Variants in SLC5A4 observed in about 807,000 individuals in gnomAD.
The protein encoded by SLC5A4 is probable glucose sensor protein SLC5A4.
In SLC5A4, 55 loss-of-function variants were observed where a neutral mutation model predicts 70.3. That is an observed-to-expected ratio of 0.78 (90% CI 0.63 to 0.98). The LOEUF (loss-of-function observed/expected upper bound fraction) is 0.98. Ranked by LOEUF, SLC5A4 falls within the 50% of genes least tolerant of loss-of-function variation. The pLI is 0.00. For synonymous variants in SLC5A4, 268 were observed against 305.7 expected (o/e 0.88, Z 1.29); for missense variants, 735 against 839.2 (o/e 0.88, Z 1.53).
intron 5 of SLC5A4, among the ~76,000 whole-genome samples, chr22:32,241,839 C>A (rs865871710): frequency 0.011 from 1,259 of 114,144 alleles, 19 homozygotes; most frequent in African/African-American, 0.038. Context: ...ATATATATAT[C>A]TGTGTGTGTG....
At chr22:32,287,331 A>G in the SLC5A4 span, among the ~76,000 whole-genome samples, 1 of 152,204 alleles carries the variant, frequency 6.6e-6, no homozygotes, top group Admixed American at 6.5e-5. Context: ...CAGGGAGAAC[A>G]AGGAACAAGG....
At chr22:32,346,753 A>G in the SLC5A4 span, among the ~76,000 whole-genome samples, 1 of 146,594 alleles carries the variant, frequency 6.8e-6, no homozygotes, top group Non-Finnish European at 1.5e-5. Flanking sequence ...TAAAAACCCT[A>G]GAAGAAAACC....
the SLC5A4 span, among the ~76,000 whole-genome samples, chr22:32,303,568 A>C: frequency 6.6e-6 from 1 of 151,324 alleles, no homozygotes; most frequent in Non-Finnish European, 1.5e-5. Context: ...GACAATCACA[A>C]TTTCAGATTG....
the SLC5A4 span, among the ~76,000 whole-genome samples, chr22:32,335,119 G>T: frequency 6.6e-6 from 1 of 152,192 alleles, no homozygotes; most frequent in South Asian, 2.1e-4. Context: ...GGTCGGGAAG[G>T]AGAGCCAGAC....
upstream of SLC5A4, among the ~76,000 whole-genome samples, chr22:32,255,533 C>T (rs889010023): frequency 6.6e-6 from 1 of 152,062 alleles, no homozygotes; most frequent in Non-Finnish European, 1.5e-5. Flanking sequence ...ATGAGGGATG[C>T]AGGGCCAGAA....
chr22:32,261,402 G>A, the SLC5A4 span, among the ~76,000 whole-genome samples: 4 of 152,310 alleles, frequency 2.6e-5, no homozygotes, highest in Admixed American at 6.5e-5. Context: ...GTCCACCTTC[G>A]TTGTTCCCAG....
At chr22:32,234,785 A>G (rs1925961348) in intron 8 of SLC5A4, 88 bp downstream of exon 8, 1 of 950,974 alleles carries the variant, frequency 1.1e-6, no homozygotes. Flanking sequence ...ATGTTTTTCT[A>G]TGAGACAAGA....
chr22:32,321,928 G>A, the SLC5A4 span, among the ~76,000 whole-genome samples: 1 of 152,218 alleles, frequency 6.6e-6, no homozygotes, highest in South Asian at 2.1e-4. Flanking sequence ...TGGGTCAAAG[G>A]TGAGAAATAC....
chr22:32,346,163 C>T, the SLC5A4 span, among the ~76,000 whole-genome samples: 3 of 152,144 alleles, frequency 2.0e-5, no homozygotes, highest in Non-Finnish European at 4.4e-5. Context: ...ATACTGAAGA[C>T]ACAGACCATA....
intron 13 of SLC5A4, among the ~76,000 whole-genome samples, chr22:32,221,350 C>T (rs1238054027): frequency 1.3e-5 from 2 of 152,202 alleles, no homozygotes; most frequent in Non-Finnish European, 2.9e-5. Flanking sequence ...TTGTCCTTAA[C>T]ATCCAACAGT....
the SLC5A4 span, among the ~76,000 whole-genome samples, chr22:32,307,919 T>C: frequency 8.6e-5 from 12 of 138,986 alleles, no homozygotes; most frequent in Admixed American, 3.1e-4. Flanking sequence ...TCCCTGCAGT[T>C]TGCAGGGATT....
At chr22:32,316,539 C>CT in the SLC5A4 span, among the ~76,000 whole-genome samples, 47 of 146,160 alleles carry the variant, frequency 3.2e-4, no homozygotes, top group African/African-American at 1.1e-3. Flanking sequence ...TTTTTTTTTA[C>CT]TTTTTTTAAA....
At chr22:32,233,388 TC>T (rs1289881710) in intron 8 of SLC5A4, among the ~76,000 whole-genome samples, 1 of 152,160 alleles carries the variant, frequency 6.6e-6, no homozygotes, top group Non-Finnish European at 1.5e-5. Flanking sequence ...TGTCACACAT[TC>T]TCACTCATTC....
chr22:32,316,208 T>A, the SLC5A4 span, among the ~76,000 whole-genome samples: 1 of 151,928 alleles, frequency 6.6e-6, no homozygotes, highest in African/African-American at 2.4e-5. Flanking sequence ...ACCCCTGAAC[T>A]GTATACTTTA....
chr22:32,302,718 TTATAGC>T, the SLC5A4 span, among the ~76,000 whole-genome samples: 1 of 152,244 alleles, frequency 6.6e-6, no homozygotes, highest in Non-Finnish European at 1.5e-5. Flanking sequence ...GACTTGATTG[TTATAGC>T]TATATAAGCA....
chr22:32,232,524 C>T (rs1021047096), intron 9 of SLC5A4, among the ~76,000 whole-genome samples: 1 of 152,118 alleles, frequency 6.6e-6, no homozygotes, highest in African/African-American at 2.4e-5. Flanking sequence ...GGGACCAAGA[C>T]CTTCTCAGTC....
At chr22:32,353,959 A>G in the SLC5A4 span, among the ~76,000 whole-genome samples, 2 of 149,040 alleles carry the variant, frequency 1.3e-5, no homozygotes, top group Non-Finnish European at 3.0e-5. Context: ...AGACGCCCCA[A>G]CTCACTCCCT....
chr22:32,226,860 C>A lies in SLC5A4; in HGVS notation c.1281-1037G>T, dbSNP rs1925429074. Among the ~76,000 whole-genome samples the A allele has an allele frequency of 2.0e-5, 3 of 152,072 alleles. 1 individual carries two copies. The South Asian group carries it at 6.2e-4, about 32-fold the overall frequency. On this transcript the variant is annotated intron_variant, in intron 11 of 14. Coordinates refer to ENST00000266086, the MANE Select transcript of SLC5A4 (RefSeq NM_014227.3). Reference sequence around the variant, plus strand: ...CTCCCACTGGCTTCTCATGGATGAACCTCACTCCTGCTTGTTCTCAAACAT... The same window carrying A: ...CTCCCACTGGCTTCTCATGGATGAAACTCACTCCTGCTTGTTCTCAAACAT...
the SLC5A4 span, among the ~76,000 whole-genome samples, chr22:32,297,104 T>C: frequency 3.3e-5 from 5 of 151,872 alleles, no homozygotes; most frequent in Non-Finnish European, 5.9e-5. Flanking sequence ...AGGATATTGG[T>C]CTAAAATTCT....
Sources: gnomAD v4.1 joint callset for allele counts (sites outside exome capture counted in the v4.1 genomes callset) on GRCh38, gnomAD v4.1.1 for gene constraint, MANE v1.5 for transcripts, NCBI Gene and HGNC (gene_info 2026-07-23, HGNC 2026-07-21) for gene names.